The following KCNK9 variants were observed in gnomAD, a reference collection of about 807,000 sequenced individuals.
KCNK9 encodes the protein potassium channel subfamily K member 9.
KCNK9 carries 1 observed loss-of-function variant against 10.8 expected under a neutral mutation model. That is an observed-to-expected ratio of 0.09 (90% CI 0.03 to 0.44). The LOEUF (loss-of-function observed/expected upper bound fraction) is 0.44. Ranked by LOEUF, KCNK9 falls within the 20% of genes least tolerant of loss-of-function variation. The pLI is 0.97. For missense variants in KCNK9, 303 were observed against 515.0 expected (o/e 0.59, Z 3.98); for synonymous variants, 231 against 222.7 (o/e 1.04, Z -0.33).
At chr8:139,663,648 C>T (rs994106218) in intron 1 of KCNK9, among the ~76,000 whole-genome samples, 1 of 137,600 alleles carries the variant, frequency 7.3e-6, no homozygotes, top group South Asian at 2.7e-4. Context: ...CGCGTGCGCA[C>T]GTGTGTGTGT....
intron 1 of KCNK9, among the ~76,000 whole-genome samples, chr8:139,689,449 A>C (rs953747857): frequency 6.6e-6 from 1 of 152,188 alleles, no homozygotes; most frequent in African/African-American, 2.4e-5. Flanking sequence ...AGGCATGGTC[A>C]GATGGCAGGC....
intron 1 of KCNK9, among the ~76,000 whole-genome samples, chr8:139,638,192 C>T (rs975331627): frequency 1.3e-5 from 2 of 151,918 alleles, no homozygotes; most frequent in African/African-American, 4.8e-5. Flanking sequence ...CCCAAATGTC[C>T]CCATCTCCAG....
chr8:139,695,280 G>A (rs566269266), intron 1 of KCNK9, among the ~76,000 whole-genome samples: 1 of 152,344 alleles, frequency 6.6e-6, no homozygotes, highest in Non-Finnish European at 1.5e-5. Context: ...AGTATATTGT[G>A]TAGACAAGGG....
intron 1 of KCNK9, among the ~76,000 whole-genome samples, chr8:139,698,519 C>T (rs1642319): frequency 0.043 from 6,503 of 152,278 alleles, 471 homozygotes; most frequent in African/African-American, 0.15. Flanking sequence ...AGGAACATAC[C>T]CCCTGCATGT....
At chr8:139,615,742 AT>A (rs1377182112), downstream of KCNK9, 2 of 152,200 alleles carry the variant, frequency 1.3e-5, no homozygotes, top group East Asian at 3.9e-4. Flanking sequence ...AAAAGACTTC[AT>A]CCTATAATCC....
chr8:139,687,457 T>G (rs1816824922), intron 1 of KCNK9, among the ~76,000 whole-genome samples: 1 of 142,248 alleles, frequency 7.0e-6, no homozygotes, highest in Non-Finnish European at 1.5e-5. Context: ...TACACATATA[T>G]ATTCATATAT....
chr8:139,633,381 C>T (rs3780061), intron 1 of KCNK9, among the ~76,000 whole-genome samples: 1 of 152,144 alleles, frequency 6.6e-6, no homozygotes, highest in East Asian at 1.9e-4. Context: ...CATAGTCACT[C>T]AGTATCCTTG....
intron 1 of KCNK9, among the ~76,000 whole-genome samples, chr8:139,645,305 A>G (rs964057897): frequency 6.6e-6 from 1 of 152,140 alleles, no homozygotes; most frequent in African/African-American, 2.4e-5. Context: ...AGACCGGCCC[A>G]GGGAGCCCAA....
chr8:139,618,056 G>T lies in KCNK9; in HGVS notation c.*202C>A. ...CAGATGTGAGTTTCAGAGGAGGATG[G>T]GCCTGTATTTCCCTTTGGCCTGCTC... On this transcript the variant is annotated 3_prime_UTR_variant, in exon 2 of 2. Transcript: ENST00000520439. The surrounding 1 kb of genome is among the most constrained non-coding windows in gnomAD (Gnocchi z 7.9). 1 of 631,414 alleles carries T rather than the reference G, an allele frequency of 1.6e-6. No individual in the cohort carries two copies. 39.1% of individuals were successfully genotyped at this position (631,414 alleles called of 1,614,324 possible). A position where few individuals can be genotyped will look rare whatever the true frequency, so the allele number is the denominator to read the frequency against.
intron 1 of KCNK9, among the ~76,000 whole-genome samples, chr8:139,650,286 C>T (rs777769129): frequency 1.3e-5 from 2 of 152,208 alleles, no homozygotes; most frequent in East Asian, 1.9e-4. Context: ...AGCTCACTCA[C>T]GTTACTTCAC....
intron 1 of KCNK9, among the ~76,000 whole-genome samples, chr8:139,696,975 G>A (rs1817073778): frequency 6.6e-6 from 1 of 151,540 alleles, no homozygotes; most frequent in African/African-American, 2.4e-5. Context: ...ATGGATGGGT[G>A]GGTGGGTAGG....
At chr8:139,673,298 T>G (rs1320142261) in intron 1 of KCNK9, among the ~76,000 whole-genome samples, 1 of 152,206 alleles carries the variant, frequency 6.6e-6, no homozygotes, top group African/African-American at 2.4e-5. Context: ...TGCGCATATC[T>G]GTGAAAATGC....
intron 1 of KCNK9, among the ~76,000 whole-genome samples, chr8:139,690,096 G>A (rs1816906423): frequency 6.6e-6 from 1 of 152,202 alleles, no homozygotes; most frequent in South Asian, 2.1e-4. Flanking sequence ...GTTTGTGGAT[G>A]ATTTGTTACA....
At chr8:139,625,838 C>T (rs1331656419) in intron 1 of KCNK9, among the ~76,000 whole-genome samples, 1 of 152,180 alleles carries the variant, frequency 6.6e-6, no homozygotes, top group African/African-American at 2.4e-5. Flanking sequence ...GAAAAACCAG[C>T]TGTGGCTAGA....
chr8:139,649,549 C>T (rs533708789), intron 1 of KCNK9, among the ~76,000 whole-genome samples: 3 of 152,314 alleles, frequency 2.0e-5, no homozygotes, highest in Admixed American at 1.3e-4. Flanking sequence ...TAGCCACATG[C>T]CTGGATGCGG....
chr8:139,702,852 C>T lies in KCNK9; in HGVS notation c.141G>A (p.Arg47=), dbSNP rs1294939920. 1.2e-6 allele frequency: 2 copies of T among 1,613,950 alleles called. No individual in the cohort carries two copies. Among genetic ancestry groups the T allele is most frequent in the Non-Finnish European group, 1.7e-6 (2 of 1,179,990 alleles). ...TGCTGATGTTGTACTTCCCCTTGAT[C>T]CGGATCTCCTCGGCTTTGAGTTTCT... ...EEEKLKAEEI[R]IKGKYNISSE... is the part of the protein sequence containing the mutation. Residue 47 remains arginine (R), a synonymous_variant, in exon 1 of 2, where the codon CGG becomes CGA. Transcript: ENST00000520439. This position sits in a 1 kb window ranked among gnomAD's most constrained non-coding sequence, Gnocchi z 7.5.
rs111818729 is a variant in KCNK9, at chr8:139,684,900, AGAACTATGGT to A, written c.283+17800_283+17809del. 7.7e-3 allele frequency among the ~76,000 whole-genome samples: 1,176 copies of A among 152,344 alleles called. 12 individuals carry two copies. The highest frequency in any genetic ancestry group is 0.027 in the African/African-American group (1,124 of 41,558). ...GAGATGACCTGAAATGATGATGCTA[AGAACTATGGT>A]GAACTAGACAGAGCACATGATCCAT... On this transcript the variant is annotated intron_variant, in intron 1 of 1. Coordinates refer to ENST00000520439, the MANE Select transcript of KCNK9 (RefSeq NM_001282534.2).
intron 1 of KCNK9, among the ~76,000 whole-genome samples, chr8:139,692,404 T>G (rs1211720486): frequency 6.6e-6 from 1 of 151,580 alleles, no homozygotes; most frequent in African/African-American, 2.4e-5. Context: ...CTCAGGAGAG[T>G]CGTAGGGAAT....
chr8:139,694,778 T>C (rs1258312792), intron 1 of KCNK9, among the ~76,000 whole-genome samples: 1 of 146,198 alleles, frequency 6.8e-6, no homozygotes, highest in African/African-American at 2.6e-5. Context: ...CTCCCAGGGC[T>C]CAAGTTCTGA....
Sources: gnomAD v4.1 joint callset for allele counts (sites outside exome capture counted in the v4.1 genomes callset) on GRCh38, gnomAD v4.1.1 for gene constraint, Gnocchi (gnomAD v3.1) non-coding constraint, MANE v1.5 for transcripts, NCBI Gene and HGNC (gene_info 2026-07-23, HGNC 2026-07-21) for gene names.